The following HBS1L variants were observed in gnomAD, a reference collection of about 807,000 sequenced individuals.
The protein encoded by HBS1L is HBS1-like protein.
Under a neutral mutation model 88.9 loss-of-function variants are expected in HBS1L, and 55 were observed. That is an observed-to-expected ratio of 0.62 (90% CI 0.50 to 0.77). The LOEUF is 0.77. Ranked by LOEUF, HBS1L falls within the 30% of genes least tolerant of loss-of-function variation. The probability of loss-of-function intolerance (pLI) is 0.00; values close to 1 mark genes in which losing one functional copy is unlikely to be tolerated. For missense variants in HBS1L, 741 were observed against 829.3 expected (o/e 0.89, Z 1.31); for synonymous variants, 267 against 288.5 (o/e 0.93, Z 0.76).
chr6:134,964,036 A>C lies in HBS1L; in HGVS notation c.*1243T>G, dbSNP rs1774244552. ...AATATACCAAGTGTGTTCACTTGGT[A>C]ATCATTCACTAAGCAACACATGTAT... On this transcript the variant is annotated 3_prime_UTR_variant, in exon 18 of 18. Coordinates refer to ENST00000367837, the MANE Select transcript of HBS1L (RefSeq NM_006620.4). 6.6e-6 allele frequency: 1 copy of C among 152,212 alleles called. No individual in the cohort carries two copies. The highest frequency in any genetic ancestry group is 1.5e-5 in the Non-Finnish European group (1 of 68,040). 9.4% of individuals were successfully genotyped at this position (152,212 alleles called of 1,614,324 possible). A position where few individuals can be genotyped will look rare whatever the true frequency, so the allele number is the denominator to read the frequency against.
chr6:135,027,222 GA>G (rs1345691015), intron 4 of HBS1L: 1 of 88,236 alleles, frequency 1.1e-5, no homozygotes, highest in Non-Finnish European at 2.2e-5. Flanking sequence ...AAAAAGAAAA[GA>G]AAAAATAGCT....
chr6:135,002,363 T>G (rs1239698721), intron 5 of HBS1L, among the ~76,000 whole-genome samples: 2 of 151,958 alleles, frequency 1.3e-5, no homozygotes, highest in Non-Finnish European at 2.9e-5. Flanking sequence ...AAAAATTTAA[T>G]TAATGATTCC....
rs555741523 is a variant in HBS1L at position 134,982,411 on chromosome 6, G to C, written c.1597+47C>G. 7 of 1,176,668 alleles carry C rather than the reference G, an allele frequency of 5.9e-6. No homozygotes were observed. The South Asian group carries it at 8.8e-5, about 15-fold the overall frequency. 72.9% of individuals were successfully genotyped at this position (1,176,668 alleles called of 1,614,324 possible). A position where few individuals can be genotyped will look rare whatever the true frequency, so the allele number is the denominator to read the frequency against. ...CTAAACCACTTTTTAAAAATCTGCT[G>C]TCTCAACTTAAGGCTTGTTTAGCAA... On this transcript the variant is annotated intron_variant, in intron 13 of 17. Coordinates refer to ENST00000367837, the MANE Select transcript of HBS1L (RefSeq NM_006620.4).
chr6:135,005,600 G>A (rs1775588338), intron 4 of HBS1L, among the ~76,000 whole-genome samples: 1 of 152,174 alleles, frequency 6.6e-6, no homozygotes, highest in South Asian at 2.1e-4. Context: ...GGAATAATAT[G>A]GCAGAATAGC....
At chr6:135,007,012 C>T (rs912977336) in intron 4 of HBS1L, among the ~76,000 whole-genome samples, 1 of 151,954 alleles carries the variant, frequency 6.6e-6, no homozygotes, top group East Asian at 1.9e-4. Context: ...CCATTTTGCA[C>T]GTAAAAAATT....
At chr6:134,990,437 A>G (rs1775100035) in intron 8 of HBS1L, among the ~76,000 whole-genome samples, 2 of 152,212 alleles carry the variant, frequency 1.3e-5, no homozygotes. Flanking sequence ...GTGTCCCCAA[A>G]GCCCACTGCA....
chr6:135,023,317 GC>G (rs1776128167), intron 4 of HBS1L, among the ~76,000 whole-genome samples: 2 of 151,878 alleles, frequency 1.3e-5, no homozygotes, highest in Admixed American at 1.3e-4. Context: ...GATGGCGGGC[GC>G]CTGTAGTCCC....
intron 15 of HBS1L, among the ~76,000 whole-genome samples, chr6:134,976,484 T>A (rs780600125): frequency 2.6e-5 from 4 of 152,124 alleles, no homozygotes; most frequent in African/African-American, 4.8e-5. Flanking sequence ...AATTTACAGT[T>A]GCAAGAATGT....
At chr6:135,023,240 C>A (rs9376081) in intron 4 of HBS1L, among the ~76,000 whole-genome samples, 1 of 151,898 alleles carries the variant, frequency 6.6e-6, no homozygotes, top group South Asian at 2.1e-4. Context: ...GTCAGGAGAT[C>A]GAGACCATCC....
intron 2 of HBS1L, among the ~76,000 whole-genome samples, chr6:135,047,475 T>G (rs1776947914): frequency 6.6e-6 from 1 of 152,214 alleles, no homozygotes; most frequent in Non-Finnish European, 1.5e-5. Flanking sequence ...TGGTTCTCAA[T>G]GCATACCACG....
At chr6:135,001,768 C>T (rs1480071926) in intron 5 of HBS1L, among the ~76,000 whole-genome samples, 1 of 151,894 alleles carries the variant, frequency 6.6e-6, no homozygotes, top group East Asian at 1.9e-4. Context: ...ACTTTGAAAT[C>T]TAGTGAATAA....
intron 4 of HBS1L, among the ~76,000 whole-genome samples, chr6:135,009,432 G>A (rs1019813912): frequency 6.6e-6 from 1 of 151,958 alleles, no homozygotes; most frequent in Admixed American, 6.6e-5. Context: ...GTAATAAAGA[G>A]GAGGCAAAAA....
At chr6:134,984,002 A>G (rs1774908585) in intron 12 of HBS1L, among the ~76,000 whole-genome samples, 1 of 152,136 alleles carries the variant, frequency 6.6e-6, no homozygotes, top group Non-Finnish European at 1.5e-5. Context: ...GAAAGTGTAT[A>G]TTGACTTTGG....
intron 4 of HBS1L, among the ~76,000 whole-genome samples, chr6:135,003,595 C>A (rs923735898): frequency 2.0e-5 from 3 of 149,888 alleles, no homozygotes; most frequent in African/African-American, 7.3e-5. Context: ...AGGCCAGGCA[C>A]GGTGGCTCAT....
At chr6:135,001,191 A>C (rs9373120) in intron 5 of HBS1L, among the ~76,000 whole-genome samples, 21,638 of 152,160 alleles carry the variant, frequency 0.14, 1,733 homozygotes, top group East Asian at 0.27. Flanking sequence ...CTATTCTGTA[A>C]AAGGAATACA....
chr6:135,054,662 A>C lies in HBS1L; in HGVS notation c.30T>G (p.Tyr10Ter). The change falls in exon 1 of 18, where the codon TAT becomes TAG. Residue 10 changes from tyrosine (Y) to a stop codon, truncating the protein, a stop_gained. Transcript: ENST00000367837. LOFTEE classifies it high-confidence loss of function. MARHRNVRG[Y>*]NYDEDFEDDD... Reference sequence around the variant, plus strand: ...CCTGCCACCTACCTTCATCGTAGTTATAGCCTCGAACATTCCGATGCCGGG... The same window carrying C: ...CCTGCCACCTACCTTCATCGTAGTTCTAGCCTCGAACATTCCGATGCCGGG... The C allele has an allele frequency of 6.2e-7, 1 of 1,614,254 alleles. No individual in the cohort carries two copies. The highest frequency in any genetic ancestry group is 8.5e-7 in the Non-Finnish European group (1 of 1,180,036).
intron 4 of HBS1L, chr6:135,026,964 G>A (rs1482541447): frequency 2.0e-5 from 3 of 151,546 alleles, no homozygotes; most frequent in African/African-American, 7.3e-5. Context: ...GGCCGAGACG[G>A]GTAGACCACT....
rs972431573 is a variant in HBS1L at position 134,964,677 on chromosome 6, T to C, written c.*602A>G. On this transcript the variant is annotated 3_prime_UTR_variant, in exon 18 of 18. Coordinates refer to ENST00000367837, the MANE Select transcript of HBS1L (RefSeq NM_006620.4). ...TTATTAGCTGGCTTTACAACTTAAATAATATCTTGGCTTTCAAAGGAACAG... is the reference window on the plus strand; with the variant it reads ...TTATTAGCTGGCTTTACAACTTAAACAATATCTTGGCTTTCAAAGGAACAG... The C allele has an allele frequency of 1.3e-5, 2 of 152,472 alleles. No homozygotes were observed. The highest frequency in any genetic ancestry group is 4.8e-5 in the African/African-American group (2 of 41,456). The allele number at this position is 152,472 out of a possible 1,614,324, so 9.4% of individuals were successfully genotyped here.
intron 16 of HBS1L, among the ~76,000 whole-genome samples, chr6:134,968,853 A>G (rs1442717892): frequency 1.3e-5 from 2 of 152,156 alleles, no homozygotes; most frequent in African/African-American, 4.8e-5. Context: ...TGATCTTATT[A>G]AGGAGGTGAC....
Sources: gnomAD v4.1 joint callset for allele counts (sites outside exome capture counted in the v4.1 genomes callset) on GRCh38, gnomAD v4.1.1 for gene constraint, MANE v1.5 for transcripts, NCBI Gene and HGNC (gene_info 2026-07-23, HGNC 2026-07-21) for gene names.